TENM2: variants seen among roughly 807,000 people sequenced by gnomAD.
TENM2 encodes teneurin-2.
In TENM2, 52 loss-of-function variants were observed where a neutral mutation model predicts 245.2. The ratio of observed to expected loss-of-function variants is 0.21; its 90% CI spans 0.17 to 0.27. The LOEUF (loss-of-function observed/expected upper bound fraction) is 0.27. TENM2 is among the 10% of genes least tolerant of loss of function. TENM2 has a pLI of 1.00. For missense variants in TENM2, 3,046 were observed against 3,666.8 expected, an observed-to-expected ratio of 0.83 and a Z score of 4.37; for synonymous variants, 1,363 against 1,438.9, an observed-to-expected ratio of 0.95 and a Z score of 1.19.
chr5:168,182,282 G>A (rs1011213814), intron 13 of TENM2, among the ~76,000 whole-genome samples: 4 of 152,164 alleles, frequency 2.6e-5, no homozygotes, highest in African/African-American at 9.7e-5. Context: ...GTCAGCAGGC[G>A]TAGGGTAAAA....
At chr5:168,090,483 C>T in intron 7 of TENM2, 91 bp from the exon 10 acceptor site, 1 of 1,167,564 alleles carries the variant, frequency 8.6e-7, no homozygotes, top group South Asian at 1.7e-5. Flanking sequence ...AGGTCTTTCT[C>T]CATTAACAAA....
the TENM2 span, among the ~76,000 whole-genome samples, chr5:167,037,814 A>T: frequency 1.3e-4 from 20 of 152,230 alleles, 1 homozygote; most frequent in Admixed American, 1.3e-3. Flanking sequence ...TGGTCCCTTG[A>T]GTAAGTCTTC....
Position 168,244,408 on chromosome 5 carries a change from G to C in TENM2, c.5521-12G>C, listed in dbSNP as rs1254695411. ...TGATGTCTTTCAAACAAGGCCTGTT[G>C]TGTTTTCCTAGGTCCATGGAAGAAA... is the stretch of plus-strand genomic sequence containing the variant. On this transcript the variant is annotated splice_polypyrimidine_tract_variant and intron_variant, in intron 25 of 28. Transcript: ENST00000518659. The surrounding 1 kb of genome is among the most constrained non-coding windows in gnomAD (Gnocchi z 4.9). 16 of 1,512,626 alleles carry C rather than the reference G, an allele frequency of 1.1e-5. No homozygotes were observed. Among genetic ancestry groups the C allele is most frequent in the Non-Finnish European group, 1.4e-5 (16 of 1,120,686 alleles). 93.7% of individuals were successfully genotyped at this position (1,512,626 alleles called of 1,614,324 possible).
the TENM2 span, among the ~76,000 whole-genome samples, chr5:167,243,025 AG>A: frequency 1.1e-3 from 163 of 151,956 alleles, 2 homozygotes; most frequent in Middle Eastern, 3.4e-3. Flanking sequence ...GGACATGTTG[AG>A]GTTTTTTTTT....
chr5:168,195,313 G>A lies in TENM2; in HGVS notation c.2900+18G>A. The A allele has an allele frequency of 1.3e-6, 2 of 1,567,454 alleles. No individual in the cohort carries two copies. On this transcript the variant is annotated intron_variant, in intron 15 of 28. Coordinates refer to ENST00000518659, the Ensembl canonical transcript of TENM2. Reference sequence around the variant, plus strand: ...GATGGCACGTGAGTAGCTTTGTGGGGCTCGGACCTACTCAGGACCACACGT... The same window carrying A: ...GATGGCACGTGAGTAGCTTTGTGGGACTCGGACCTACTCAGGACCACACGT...
intron 2 of TENM2, among the ~76,000 whole-genome samples, chr5:167,676,363 C>G (rs568743641): frequency 5.9e-5 from 9 of 152,024 alleles, no homozygotes; most frequent in Non-Finnish European, 8.8e-5. Flanking sequence ...AACCAGCTGT[C>G]AAAACGCAAG....
chr5:167,398,118 G>T (rs958212821), intron 2 of TENM2, among the ~76,000 whole-genome samples: 2 of 152,024 alleles, frequency 1.3e-5, no homozygotes, highest in Non-Finnish European at 2.9e-5. Flanking sequence ...TATTCCAAGG[G>T]CAACAGACCT....
At chr5:167,818,422 T>G (rs75991962) in intron 2 of TENM2, among the ~76,000 whole-genome samples, 2 of 152,310 alleles carry the variant, frequency 1.3e-5, no homozygotes, top group Middle Eastern at 3.4e-3. Flanking sequence ...AAATTTATAA[T>G]AGCTGAGGGT....
chr5:167,140,485 G>C, the TENM2 span, among the ~76,000 whole-genome samples: 1,940 of 152,034 alleles, frequency 0.013, 45 homozygotes, highest in African/African-American at 0.042. Context: ...AATACCTGCC[G>C]CTCACAACCA....
intron 2 of TENM2, among the ~76,000 whole-genome samples, chr5:167,709,152 G>A (rs139644029): frequency 1.3e-3 from 192 of 152,202 alleles, no homozygotes; most frequent in South Asian, 1.9e-3. Context: ...CTCCCCCACC[G>A]CCCCATCTGC....
In TENM2 at chr5:167,935,631, G is replaced by T. The variant is rs187079213; in HGVS notation, c.713-16957G>T. Among the ~76,000 whole-genome samples, 17 of 152,232 alleles carry T rather than the reference G, an allele frequency of 1.1e-4. No homozygotes were observed. The East Asian group carries it at 3.3e-3, about 29-fold the overall frequency. On this transcript the variant is annotated intron_variant, in intron 3 of 28. Transcript: ENST00000518659. Reference sequence around the variant, plus strand: ...TACATGGTTCCTGGAGGTGGTGAAGGAGAGAAGTTGGTTCCACCTGCAGGG... The same window carrying T: ...TACATGGTTCCTGGAGGTGGTGAAGTAGAGAAGTTGGTTCCACCTGCAGGG...
At chr5:167,149,417 T>C in the TENM2 span, among the ~76,000 whole-genome samples, 1 of 150,972 alleles carries the variant, frequency 6.6e-6, no homozygotes, top group Admixed American at 6.6e-5. Context: ...TGCCTCTACA[T>C]AATATTATGT....
chr5:168,157,173 G>A (rs1757259271), intron 12 of TENM2, among the ~76,000 whole-genome samples: 1 of 152,198 alleles, frequency 6.6e-6, no homozygotes, highest in Non-Finnish European at 1.5e-5. Flanking sequence ...CTTCCAGGAG[G>A]AGGTGACTTC....
intron 2 of TENM2, among the ~76,000 whole-genome samples, chr5:167,778,894 A>G (rs535364245): frequency 6.6e-6 from 1 of 152,304 alleles, no homozygotes; most frequent in South Asian, 2.1e-4. Flanking sequence ...TGCCTTCTAT[A>G]ATGGTAAGAT....
chr5:167,000,897 G>T, the TENM2 span, among the ~76,000 whole-genome samples: 1 of 152,080 alleles, frequency 6.6e-6, no homozygotes, highest in Non-Finnish European at 1.5e-5. Flanking sequence ...GGACCTTCTT[G>T]AGGAAGAGTA....
intron 13 of TENM2, among the ~76,000 whole-genome samples, chr5:168,183,783 G>A (rs1760140505): frequency 6.7e-6 from 1 of 150,292 alleles, no homozygotes; most frequent in Non-Finnish European, 1.5e-5. Flanking sequence ...AGCTTGGCAA[G>A]CACCTAGCTC....
At chr5:167,789,220 C>A (rs987704012) in intron 2 of TENM2, among the ~76,000 whole-genome samples, 1 of 152,146 alleles carries the variant, frequency 6.6e-6, no homozygotes. Flanking sequence ...CCATATTTTT[C>A]TTTTCCTGGT....
chr5:167,294,616 C>T (rs991124494), intron 1 of TENM2, among the ~76,000 whole-genome samples: 1 of 152,134 alleles, frequency 6.6e-6, no homozygotes, highest in African/African-American at 2.4e-5. Flanking sequence ...AGTTGACCTC[C>T]TTTATGTCCC....
At chr5:167,896,266 G>A (rs1263729809) in intron 3 of TENM2, among the ~76,000 whole-genome samples, 2 of 152,194 alleles carry the variant, frequency 1.3e-5, no homozygotes, top group African/African-American at 4.8e-5. Flanking sequence ...CAAAGGCTTG[G>A]AGAGACGAGA....
Sources: allele counts gnomAD v4.1 joint callset (sites outside exome capture counted in the v4.1 genomes callset), GRCh38; gene constraint gnomAD v4.1.1; non-coding constraint Gnocchi (gnomAD v3.1); transcripts MANE v1.5; gene names NCBI Gene and HGNC (gene_info 2026-07-23, HGNC 2026-07-21).